HMGA2: variants seen among roughly 807,000 people sequenced by gnomAD.
HMGA2 encodes the protein high mobility group AT-hook 2, also known as high mobility group protein HMGI-C.
Under a neutral mutation model 19.1 loss-of-function variants are expected in HMGA2, and 8 were observed. The observed-to-expected ratio is 0.42, with a 90% CI of 0.25 to 0.76. The LOEUF (loss-of-function observed/expected upper bound fraction) is 0.76. HMGA2 is among the 30% of genes least tolerant of loss of function. The probability of loss-of-function intolerance (pLI) is 0.28; values close to 1 mark genes in which losing one functional copy is unlikely to be tolerated. For missense variants in HMGA2, 109 were observed against 136.3 expected, an observed-to-expected ratio of 0.80 and a Z score of 1.00; for synonymous variants, 60 against 48.8, an observed-to-expected ratio of 1.23 and a Z score of -0.96.
intron 4 of HMGA2, among the ~76,000 whole-genome samples, chr12:65,961,740 T>A (rs1230430604): frequency 5.9e-5 from 6 of 101,314 alleles, no homozygotes; most frequent in Non-Finnish European, 1.4e-4. Flanking sequence ...CAGGATAGAG[T>A]GTGTGTGTGT....
At chr12:65,830,313 A>T (rs1870423966) in intron 2 of HMGA2, among the ~76,000 whole-genome samples, 1 of 151,964 alleles carries the variant, frequency 6.6e-6, no homozygotes, top group Admixed American at 6.6e-5. Context: ...ACATTTGTTT[A>T]TTAAGCATAT....
chr12:65,874,865 G>C (rs1872899342), intron 3 of HMGA2, among the ~76,000 whole-genome samples: 2 of 152,152 alleles, frequency 1.3e-5, no homozygotes, highest in Non-Finnish European at 2.9e-5. Flanking sequence ...CTCAGAAAAA[G>C]AGAGTCACAT....
At chr12:65,933,758 G>T (rs1481741447) in intron 3 of HMGA2, among the ~76,000 whole-genome samples, 2 of 152,124 alleles carry the variant, frequency 1.3e-5, no homozygotes, top group Non-Finnish European at 2.9e-5. Context: ...ACTCTATAAG[G>T]AGTAAGCAAC....
intron 3 of HMGA2, among the ~76,000 whole-genome samples, chr12:65,855,550 A>T (rs1871696265): frequency 6.6e-6 from 1 of 151,848 alleles, no homozygotes; most frequent in African/African-American, 2.4e-5. Flanking sequence ...CCTCCAGGCT[A>T]AATGTCTCAG....
At chr12:65,911,729 C>T (rs568501880) in intron 3 of HMGA2, among the ~76,000 whole-genome samples, 30 of 152,192 alleles carry the variant, frequency 2.0e-4, no homozygotes, top group African/African-American at 7.2e-4. Context: ...TCTTGTCATA[C>T]CTGAGATGAT....
At chr12:65,880,237 A>C (rs1002027753) in intron 3 of HMGA2, among the ~76,000 whole-genome samples, 4 of 152,206 alleles carry the variant, frequency 2.6e-5, no homozygotes, top group Non-Finnish European at 4.4e-5. Context: ...GGTCAAAGCA[A>C]ATAAATAAAA....
intron 3 of HMGA2, among the ~76,000 whole-genome samples, chr12:65,895,251 C>T (rs139389808): frequency 2.9e-4 from 44 of 151,988 alleles, no homozygotes; most frequent in Non-Finnish European, 2.2e-4. Flanking sequence ...GAACATAAAG[C>T]AAGTCTATAA....
chr12:65,896,451 A>G (rs547962694), intron 3 of HMGA2, among the ~76,000 whole-genome samples: 1 of 152,344 alleles, frequency 6.6e-6, no homozygotes, highest in Admixed American at 6.5e-5. Context: ...CATGATAAAC[A>G]AAACTGGGTA....
intron 3 of HMGA2, among the ~76,000 whole-genome samples, chr12:65,945,037 A>G (rs1876214455): frequency 6.6e-6 from 1 of 151,940 alleles, no homozygotes; most frequent in African/African-American, 2.4e-5. Context: ...CTTAGCCCTA[A>G]GATTTTTTTT....
At chr12:65,939,210 G>T (rs1876000346) in intron 3 of HMGA2, among the ~76,000 whole-genome samples, 1 of 152,152 alleles carries the variant, frequency 6.6e-6, no homozygotes, top group Non-Finnish European at 1.5e-5. Context: ...ATTTTCCATT[G>T]GTGTTATGCT....
chr12:65,844,329 A>G (rs1001822483), intron 3 of HMGA2, among the ~76,000 whole-genome samples: 3 of 152,182 alleles, frequency 2.0e-5, no homozygotes, highest in Non-Finnish European at 4.4e-5. Flanking sequence ...AAATTTGCTG[A>G]TGCATATAAT....
chr12:65,887,594 G>A (rs1477749765), intron 3 of HMGA2, among the ~76,000 whole-genome samples: 4 of 151,944 alleles, frequency 2.6e-5, no homozygotes, highest in South Asian at 2.1e-4. Context: ...ATGGTGGTGC[G>A]AGCCTGTAGT....
In HMGA2 at chr12:65,965,610, C is replaced by A; in HGVS notation, c.*2318C>A. On this transcript the variant is annotated 3_prime_UTR_variant, in exon 5 of 5. Transcript: ENST00000403681. The stretch of plus-strand genomic sequence containing the variant: ...AAACTCAACATTACTGTTAACTGTG[C>A]GTTAAATAAGCAAATAAACAGTGGC... The A allele has an allele frequency of 4.6e-6, 1 of 215,920 alleles. No individual in the cohort carries two copies. The highest frequency in any genetic ancestry group is 9.4e-6 in the Non-Finnish European group (1 of 106,866). The allele number at this position is 215,920 out of a possible 1,614,324, so 13.4% of individuals were successfully genotyped here. A position where few individuals can be genotyped will look rare whatever the true frequency, so the allele number is the denominator to read the frequency against.
intron 3 of HMGA2, among the ~76,000 whole-genome samples, chr12:65,845,565 G>A (rs1691089824): frequency 6.7e-6 from 1 of 148,244 alleles, no homozygotes; most frequent in Non-Finnish European, 1.5e-5. Context: ...CACCACTCAC[G>A]GCCTTTAAGA....
chr12:65,862,296 C>CAT (rs1555182658), intron 3 of HMGA2, among the ~76,000 whole-genome samples: 1 of 151,640 alleles, frequency 6.6e-6, no homozygotes, highest in African/African-American at 2.4e-5. Flanking sequence ...CACACACACA[C>CAT]ACACACACAC....
intron 2 of HMGA2, chr12:65,828,344 C>G (rs545357309): frequency 2.0e-4 from 39 of 191,612 alleles, no homozygotes; most frequent in Admixed American, 3.2e-4. Context: ...AACCTTAAAA[C>G]GGGTAGAAGT....
At chr12:65,921,708 A>G (rs958285419) in intron 3 of HMGA2, among the ~76,000 whole-genome samples, 2 of 152,330 alleles carry the variant, frequency 1.3e-5, no homozygotes, top group Non-Finnish European at 2.9e-5. Context: ...CCCCAAGACC[A>G]TGGGGGAAAT....
At chr12:65,907,411 C>CAAA (rs762897630) in intron 3 of HMGA2, among the ~76,000 whole-genome samples, 12 of 54,564 alleles carry the variant, frequency 2.2e-4, no homozygotes, top group African/African-American at 6.3e-4. Context: ...GATTCCGTCT[C>CAAA]AAAAAAAAAA....
At chr12:65,851,578 G>A (rs531074128) in intron 3 of HMGA2, 74 of 394,236 alleles carry the variant, frequency 1.9e-4, no homozygotes, top group South Asian at 3.2e-4. Context: ...TAATTCCAGC[G>A]AGCAGCTTGA....
Sources: gnomAD v4.1 joint callset for allele counts (sites outside exome capture counted in the v4.1 genomes callset) on GRCh38, gnomAD v4.1.1 for gene constraint, MANE v1.5 for transcripts, NCBI Gene and HGNC (gene_info 2026-07-23, HGNC 2026-07-21) for gene names.